Variants in USH2A observed in about 807,000 individuals in gnomAD.
USH2A encodes Usher syndrome 2A (autosomal recessive, mild).
Under a neutral mutation model 538.9 loss-of-function variants are expected in USH2A, and 443 were observed. The ratio of observed to expected loss-of-function variants is 0.82; its 90% CI spans 0.76 to 0.89. The LOEUF is 0.89. USH2A is among the 40% of genes least tolerant of loss of function. The pLI is 0.00. For synonymous variants in USH2A, 2,413 were observed against 2,273.5 expected, an observed-to-expected ratio of 1.06 and a Z score of -1.75; for missense variants, 6,633 against 6,324.8, an observed-to-expected ratio of 1.05 and a Z score of -1.65.
chr1:215,818,101 A>G (rs1157101505), intron 47 of USH2A, among the ~76,000 whole-genome samples: 1 of 151,958 alleles, frequency 6.6e-6, no homozygotes, highest in Admixed American at 6.6e-5. Flanking sequence ...ATATATATGC[A>G]AACTATGTTT....
rs991947824 is a variant in USH2A at position 216,174,045 on chromosome 1, A to T, written c.4627+1207T>A. 8 of 984,254 alleles carry T rather than the reference A, an allele frequency of 8.1e-6. No homozygotes were observed. The African/African-American group carries it at 1.4e-4, about 17-fold the overall frequency. 61.0% of individuals were successfully genotyped at this position (984,254 alleles called of 1,614,324 possible). On this transcript the variant is annotated intron_variant, in intron 21 of 71. Transcript: ENST00000307340. ...AATGATTTTGATGTACTGAGAGAGT[A>T]GTTAATCATGCATTAATCTCAATAT...
At chr1:216,412,619 A>T (rs1025369097) in intron 3 of USH2A, among the ~76,000 whole-genome samples, 1 of 151,958 alleles carries the variant, frequency 6.6e-6, no homozygotes, top group Non-Finnish European at 1.5e-5. Flanking sequence ...TATCTGAAGC[A>T]TTGAAAATAT....
At chr1:215,722,507 C>A (rs1478464642) in intron 61 of USH2A, among the ~76,000 whole-genome samples, 2 of 152,056 alleles carry the variant, frequency 1.3e-5, no homozygotes, top group Non-Finnish European at 2.9e-5. Flanking sequence ...TGTGAAATAT[C>A]TATTTTATTA....
chr1:216,287,223 G>C lies in USH2A; in HGVS notation c.1971+2057C>G, dbSNP rs374440107. On this transcript the variant is annotated intron_variant, in intron 11 of 71. Transcript: ENST00000307340. ...TCACATGATCATAATAATTGATGCAGAAATAGCAGCTGACAAAATTCAACA... is the reference window on the plus strand; with the variant it reads ...TCACATGATCATAATAATTGATGCACAAATAGCAGCTGACAAAATTCAACA... Among the ~76,000 whole-genome samples, 37 of 152,220 alleles carry C rather than the reference G, an allele frequency of 2.4e-4. 3 individuals are homozygous for C. Among genetic ancestry groups the C allele is most frequent in the African/African-American group, 8.9e-4 (37 of 41,536 alleles).
intron 2 of USH2A, among the ~76,000 whole-genome samples, chr1:216,419,005 G>C (rs1454320688): frequency 1.3e-5 from 2 of 152,070 alleles, no homozygotes; most frequent in Non-Finnish European, 2.9e-5. Flanking sequence ...TAGTTCTCCT[G>C]CTATTTCTTT....
intron 26 of USH2A, among the ~76,000 whole-genome samples, chr1:216,078,891 C>T (rs1023899145): frequency 9.9e-5 from 15 of 151,982 alleles, no homozygotes; most frequent in East Asian, 1.9e-4. Flanking sequence ...TTCAATATTT[C>T]GGTTTTATTC....
At chr1:216,404,358 T>C (rs2039356493) in intron 3 of USH2A, among the ~76,000 whole-genome samples, 1 of 152,106 alleles carries the variant, frequency 6.6e-6, no homozygotes, top group African/African-American at 2.4e-5. Context: ...GTAATTGAAA[T>C]AGCAGGATAA....
chr1:215,889,159 C>T (rs995631806), intron 40 of USH2A, 105 bp from the exon 41 acceptor site: 3 of 1,379,066 alleles, frequency 2.2e-6, no homozygotes, highest in Non-Finnish European at 3.0e-6. Context: ...TGAAAATGAA[C>T]ACTTGGTAAA....
chr1:215,665,441 A>G (rs1657576472), intron 64 of USH2A, among the ~76,000 whole-genome samples: 1 of 152,212 alleles, frequency 6.6e-6, no homozygotes, highest in Admixed American at 6.5e-5. Flanking sequence ...AAAACTAATT[A>G]AGTCACTGAC....
chr1:216,372,433 C>T (rs2038731015), intron 3 of USH2A, among the ~76,000 whole-genome samples: 1 of 152,144 alleles, frequency 6.6e-6, no homozygotes, highest in African/African-American at 2.4e-5. Context: ...ACGTGTATTA[C>T]ATTTGTGCCC....
At chr1:215,749,563 A>G (rs1458207675) in intron 58 of USH2A, among the ~76,000 whole-genome samples, 7 of 152,104 alleles carry the variant, frequency 4.6e-5, no homozygotes, top group African/African-American at 2.4e-5. Flanking sequence ...CAAACCCTAT[A>G]CCATCTGCAA....
intron 38 of USH2A, among the ~76,000 whole-genome samples, chr1:215,923,392 A>G (rs771111570): frequency 6.6e-6 from 1 of 152,098 alleles, no homozygotes; most frequent in African/African-American, 2.4e-5. Flanking sequence ...CTTGCTGACT[A>G]AATTTCTCAG....
intron 61 of USH2A, among the ~76,000 whole-genome samples, chr1:215,727,370 A>G (rs965301560): frequency 1.3e-5 from 2 of 152,146 alleles, no homozygotes; most frequent in African/African-American, 2.4e-5. Flanking sequence ...TCTATGAGGT[A>G]TGGAGGAAAG....
chr1:215,652,249 C>G (rs1657107426), intron 64 of USH2A, among the ~76,000 whole-genome samples: 1 of 152,204 alleles, frequency 6.6e-6, no homozygotes, highest in Non-Finnish European at 1.5e-5. Flanking sequence ...ACAAAAGTTA[C>G]AAGTGCTGAA....
In USH2A at chr1:216,324,127, C is replaced by A. The variant is rs1288283511; in HGVS notation, c.1328+41G>T. 33 of 1,585,594 alleles carry A rather than the reference C, an allele frequency of 2.1e-5. No homozygotes were observed. In the Admixed American group the frequency reaches 5.4e-4, roughly 26 times the overall value. ...TAGCATACTTGTACATTATTAATAACCAATCAGTCTATTAAATTAATTGTT... is the reference window on the plus strand; with the variant it reads ...TAGCATACTTGTACATTATTAATAAACAATCAGTCTATTAAATTAATTGTT... On this transcript the variant is annotated intron_variant, in intron 7 of 71. Coordinates refer to ENST00000307340, the MANE Select transcript of USH2A (RefSeq NM_206933.4).
intron 41 of USH2A, among the ~76,000 whole-genome samples, chr1:215,881,462 C>T (rs1011485772): frequency 1.3e-5 from 2 of 152,120 alleles, no homozygotes; most frequent in African/African-American, 4.8e-5. Flanking sequence ...TTTTAAGGAG[C>T]CAGTTAACTA....
At chr1:215,967,384 G>T (rs1159281213) in intron 36 of USH2A, among the ~76,000 whole-genome samples, 2 of 152,062 alleles carry the variant, frequency 1.3e-5, no homozygotes, top group Non-Finnish European at 2.9e-5. Flanking sequence ...GGCCAGGCTG[G>T]TCTCGAACTC....
At chr1:216,036,512 TTTG>T (rs758614775) in intron 32 of USH2A, among the ~76,000 whole-genome samples, 3 of 152,138 alleles carry the variant, frequency 2.0e-5, no homozygotes, top group Non-Finnish European at 2.9e-5. Flanking sequence ...GTGTAAAATA[TTTG>T]TTGTTATTAT....
intron 61 of USH2A, among the ~76,000 whole-genome samples, chr1:215,688,349 G>A (rs1658499721): frequency 6.6e-6 from 1 of 152,068 alleles, no homozygotes; most frequent in Admixed American, 6.6e-5. Flanking sequence ...AATCCTGGAG[G>A]CCAAGGTAAA....
Sources: gnomAD v4.1 joint callset for allele counts (sites outside exome capture counted in the v4.1 genomes callset) on GRCh38, gnomAD v4.1.1 for gene constraint, MANE v1.5 for transcripts, NCBI Gene and HGNC (gene_info 2026-07-23, HGNC 2026-07-21) for gene names.